The following TMEM132D variants were observed in gnomAD, a reference collection of about 807,000 sequenced individuals.
TMEM132D encodes the protein mature OL transmembrane protein.
TMEM132D carries 21 observed loss-of-function variants against 62.3 expected under a neutral mutation model. The ratio of observed to expected loss-of-function variants is 0.34; its 90% CI spans 0.24 to 0.49. TMEM132D has a LOEUF of 0.49. Ranked by LOEUF, TMEM132D falls within the 20% of genes least tolerant of loss-of-function variation. TMEM132D has a pLI of 0.99. For missense variants in TMEM132D, 1,346 were observed against 1,402.8 expected (o/e 0.96, Z 0.65); for synonymous variants, 621 against 575.6 (o/e 1.08, Z -1.13).
chr12:129,750,010 C>T (rs181254907), intron 1 of TMEM132D, among the ~76,000 whole-genome samples: 3 of 152,248 alleles, frequency 2.0e-5, no homozygotes, highest in Non-Finnish European at 4.4e-5. Context: ...TCCCCATTCC[C>T]TCTCCTGGAT....
At chr12:129,182,075 G>A (rs1878082411) in intron 5 of TMEM132D, among the ~76,000 whole-genome samples, 1 of 152,106 alleles carries the variant, frequency 6.6e-6, no homozygotes, top group Admixed American at 6.6e-5. Flanking sequence ...ATAGAAAGAG[G>A]AGCTGGCCAG....
chr12:129,148,720 C>T (rs750923743), intron 5 of TMEM132D, among the ~76,000 whole-genome samples: 21 of 152,262 alleles, frequency 1.4e-4, no homozygotes, highest in South Asian at 4.1e-4. Context: ...TTGAACACAC[C>T]GACTTCAGTG....
intron 2 of TMEM132D, among the ~76,000 whole-genome samples, chr12:129,638,762 C>T (rs545213964): frequency 7.9e-5 from 12 of 151,990 alleles, no homozygotes; most frequent in African/African-American, 2.4e-4. Context: ...CACACAGGTG[C>T]GATGTTTGTG....
chr12:129,388,600 C>T (rs371962188), intron 3 of TMEM132D, among the ~76,000 whole-genome samples: 49 of 108,350 alleles, frequency 4.5e-4, no homozygotes, highest in African/African-American at 8.2e-4. Context: ...CCAATACTAA[C>T]ACCAACACCA....
At chr12:129,665,668 T>C (rs1443248637) in intron 2 of TMEM132D, among the ~76,000 whole-genome samples, 1 of 152,180 alleles carries the variant, frequency 6.6e-6, no homozygotes, top group Non-Finnish European at 1.5e-5. Context: ...CTAAAAGACA[T>C]CTTTATGGGT....
intron 1 of TMEM132D, among the ~76,000 whole-genome samples, chr12:129,859,174 G>A (rs1325593712): frequency 6.6e-6 from 1 of 152,210 alleles, no homozygotes; most frequent in Non-Finnish European, 1.5e-5. Flanking sequence ...CAGAAACCAG[G>A]TTCCCAGCAG....
intron 1 of TMEM132D, among the ~76,000 whole-genome samples, chr12:129,766,572 A>G (rs533098845): frequency 6.6e-6 from 1 of 152,314 alleles, no homozygotes; most frequent in African/African-American, 2.4e-5. Flanking sequence ...TCTTACCTAT[A>G]GCAAGCCACA....
chr12:129,811,732 G>C (rs967134779), intron 1 of TMEM132D, among the ~76,000 whole-genome samples: 1 of 151,836 alleles, frequency 6.6e-6, no homozygotes, highest in East Asian at 1.9e-4. Flanking sequence ...ACGCCAGACA[G>C]ATACGGGGAG....
intron 3 of TMEM132D, among the ~76,000 whole-genome samples, chr12:129,500,593 C>G (rs80000759): frequency 6.6e-6 from 1 of 152,160 alleles, no homozygotes; most frequent in Non-Finnish European, 1.5e-5. Context: ...GTGATATTTA[C>G]GTCCCTCGTT....
intron 3 of TMEM132D, among the ~76,000 whole-genome samples, chr12:129,435,585 T>A (rs1872766428): frequency 6.6e-6 from 1 of 152,100 alleles, no homozygotes; most frequent in African/African-American, 2.4e-5. Context: ...ACCTCAGCAT[T>A]TTCTGCTTGC....
chr12:129,835,452 G>T (rs557064723), intron 1 of TMEM132D, among the ~76,000 whole-genome samples: 1 of 151,818 alleles, frequency 6.6e-6, no homozygotes, highest in Non-Finnish European at 1.5e-5. Flanking sequence ...CACCAGGTCC[G>T]GCTAATTGTT....
At chr12:129,871,237 G>A (rs1025738355) in intron 1 of TMEM132D, among the ~76,000 whole-genome samples, 8 of 152,194 alleles carry the variant, frequency 5.3e-5, no homozygotes, top group Non-Finnish European at 1.2e-4. Flanking sequence ...AGTGAAGTCA[G>A]AAATTCTTCG....
At chr12:129,432,590 T>A (rs1056421574) in intron 3 of TMEM132D, among the ~76,000 whole-genome samples, 1 of 152,210 alleles carries the variant, frequency 6.6e-6, no homozygotes, top group African/African-American at 2.4e-5. Flanking sequence ...CTCTGTAGTG[T>A]GAGACATCTT....
At chr12:129,402,759 A>G (rs1871659841) in intron 3 of TMEM132D, among the ~76,000 whole-genome samples, 1 of 152,082 alleles carries the variant, frequency 6.6e-6, no homozygotes, top group South Asian at 2.1e-4. Flanking sequence ...TGATGTCAAG[A>G]GGATGGGTGA....
chr12:129,627,216 C>T (rs1164056896), intron 2 of TMEM132D, among the ~76,000 whole-genome samples: 14 of 152,294 alleles, frequency 9.2e-5, no homozygotes, highest in Non-Finnish European at 5.9e-5. Context: ...TTCAGCTAAC[C>T]ACAGACCGCC....
chr12:129,368,927 T>C (rs999058085), intron 3 of TMEM132D, among the ~76,000 whole-genome samples: 3 of 152,216 alleles, frequency 2.0e-5, no homozygotes, highest in Admixed American at 1.3e-4. Context: ...TTATCCTCCC[T>C]GTTTCCTCGT....
At chr12:129,744,981 TG>T (rs1327186465) in intron 1 of TMEM132D, among the ~76,000 whole-genome samples, 1 of 152,160 alleles carries the variant, frequency 6.6e-6, no homozygotes, top group African/African-American at 2.4e-5. Context: ...CTCGTGATAG[TG>T]AGTGAATTCT....
intron 4 of TMEM132D, among the ~76,000 whole-genome samples, chr12:129,332,752 C>T (rs1869149761): frequency 1.3e-5 from 2 of 152,048 alleles, no homozygotes; most frequent in Non-Finnish European, 2.9e-5. Flanking sequence ...AAAGTCTGAC[C>T]AGCAAAGTTA....
intron 2 of TMEM132D, among the ~76,000 whole-genome samples, chr12:129,539,574 A>AATT (rs1555263662): frequency 6.9e-6 from 1 of 143,930 alleles, no homozygotes; most frequent in South Asian, 2.2e-4. Context: ...AATTTTTTCT[A>AATT]TTTTTTTTTT....
Sources: allele counts gnomAD v4.1 joint callset (sites outside exome capture counted in the v4.1 genomes callset), GRCh38; gene constraint gnomAD v4.1.1; transcripts MANE v1.5; gene names NCBI Gene and HGNC (gene_info 2026-07-23, HGNC 2026-07-21).